The following PSD3 variants were observed in gnomAD, a reference collection of about 807,000 sequenced individuals.
PSD3 encodes the protein pleckstrin and Sec7 domain containing 3, also known as PH and SEC7 domain-containing protein 3.
A neutral mutation model predicts 105.5 loss-of-function variants in PSD3; 49 were observed. The ratio of observed to expected loss-of-function variants is 0.46; its 90% CI spans 0.37 to 0.59. The LOEUF (loss-of-function observed/expected upper bound fraction) is 0.59. PSD3 is among the 20% of genes least tolerant of loss of function. PSD3 has a pLI of 0.00. For missense variants in PSD3, 1,561 were observed against 1,263.8 expected, an observed-to-expected ratio of 1.24 and a Z score of -3.57; for synonymous variants, 557 against 457.8, an observed-to-expected ratio of 1.22 and a Z score of -2.77.
chr8:18,983,516 C>T (rs116178112), intron 1 of PSD3, among the ~76,000 whole-genome samples: 545 of 152,290 alleles, frequency 3.6e-3, no homozygotes, highest in African/African-American at 0.011. Flanking sequence ...TGCAACTGTT[C>T]CTTCCACGTG....
intron 14 of PSD3, among the ~76,000 whole-genome samples, chr8:18,566,390 G>C (rs1301868829): frequency 6.6e-6 from 1 of 151,966 alleles, no homozygotes; most frequent in African/African-American, 2.4e-5. Context: ...GCTGGGTATG[G>C]TGGCGGGCGC....
chr8:18,591,548 T>C (rs1803606983), intron 12 of PSD3, among the ~76,000 whole-genome samples: 1 of 152,114 alleles, frequency 6.6e-6, no homozygotes, highest in African/African-American at 2.4e-5. Context: ...AATTTCTTTC[T>C]CACCTCACTC....
intron 9 of PSD3, among the ~76,000 whole-genome samples, chr8:18,682,816 G>A (rs1455984424): frequency 6.6e-6 from 1 of 152,042 alleles, no homozygotes; most frequent in Non-Finnish European, 1.5e-5. Context: ...GGGGAGTGGT[G>A]GGAGGGTGAA....
In PSD3 at chr8:18,612,624, C is replaced by T. The variant is rs1292885857; in HGVS notation, c.2411-12190G>A. ...TGACCTCGTGATCCGCCTGCCTCGG[C>T]CTCCCAAAGTGCTGGGATTACAGGC... On this transcript the variant is annotated intron_variant, in intron 11 of 15. Transcript: ENST00000327040. 3.9e-5 allele frequency among the ~76,000 whole-genome samples: 6 copies of T among 152,282 alleles called. No homozygotes were observed. In the East Asian group the frequency reaches 7.7e-4, roughly 20 times the overall value.
At chr8:18,592,307 G>T (rs1415745956) in intron 12 of PSD3, among the ~76,000 whole-genome samples, 1 of 151,984 alleles carries the variant, frequency 6.6e-6, no homozygotes, top group East Asian at 1.9e-4. Flanking sequence ...ACTTGAAAAC[G>T]GGCCATTTGA....
At chr8:19,079,729 C>G (rs1829580600) in intron 1 of PSD3, among the ~76,000 whole-genome samples, 1 of 152,092 alleles carries the variant, frequency 6.6e-6, no homozygotes, top group African/African-American at 2.4e-5. Context: ...TATTACTGTT[C>G]AAAGAAAGCA....
At chr8:18,766,328 T>C (rs1167478141) in intron 8 of PSD3, among the ~76,000 whole-genome samples, 3 of 152,170 alleles carry the variant, frequency 2.0e-5, no homozygotes, top group African/African-American at 7.2e-5. Context: ...AGTGCAACTG[T>C]ATCTCAAAAA....
intron 4 of PSD3, among the ~76,000 whole-genome samples, chr8:18,828,224 C>T (rs986074069): frequency 4.6e-5 from 7 of 151,750 alleles, no homozygotes; most frequent in African/African-American, 1.5e-4. Flanking sequence ...ATATCATCCT[C>T]ATACTCCAGC....
chr8:18,736,160 T>C (rs937844574), intron 9 of PSD3, among the ~76,000 whole-genome samples: 2 of 152,212 alleles, frequency 1.3e-5, no homozygotes, highest in African/African-American at 4.8e-5. Context: ...ACGTAATTTC[T>C]ATAACCTCCA....
intron 8 of PSD3, among the ~76,000 whole-genome samples, chr8:18,787,672 C>T (rs543482451): frequency 2.6e-5 from 4 of 152,206 alleles, no homozygotes; most frequent in East Asian, 1.9e-4. Context: ...CTCTCTGCAG[C>T]GACAATATTA....
At chr8:19,081,404 G>A (rs1586704988) in intron 1 of PSD3, among the ~76,000 whole-genome samples, 1 of 152,224 alleles carries the variant, frequency 6.6e-6, no homozygotes, top group African/African-American at 2.4e-5. Context: ...CAGCTGGAAA[G>A]ACAGTGAAAG....
chr8:18,715,808 C>CA (rs1177143734), intron 9 of PSD3, among the ~76,000 whole-genome samples: 2 of 152,128 alleles, frequency 1.3e-5, no homozygotes, highest in East Asian at 3.8e-4. Context: ...AGGCAGCTAC[C>CA]AAAAAACTGT....
At chr8:18,551,163 G>C (rs1016864579) in intron 15 of PSD3, among the ~76,000 whole-genome samples, 3 of 152,158 alleles carry the variant, frequency 2.0e-5, no homozygotes, top group African/African-American at 4.8e-5. Flanking sequence ...AAGTGACCTA[G>C]ATAATGGCCC....
chr8:18,978,855 C>G (rs920036878), intron 1 of PSD3, among the ~76,000 whole-genome samples: 1 of 152,158 alleles, frequency 6.6e-6, no homozygotes, highest in Admixed American at 6.6e-5. Flanking sequence ...CCCTTCCTCT[C>G]TCCTACCCTC....
At chr8:19,008,820 C>A (rs1826821698) in intron 1 of PSD3, among the ~76,000 whole-genome samples, 1 of 152,168 alleles carries the variant, frequency 6.6e-6, no homozygotes, top group African/African-American at 2.4e-5. Context: ...GCCGCCTGGT[C>A]TTATGAATGC....
rs770466451 is a variant in PSD3 at position 18,872,154 on chromosome 8, C to T, written c.710G>A (p.Arg237Lys). 1.4e-5 allele frequency: 22 copies of T among 1,614,080 alleles called. No individual in the cohort carries two copies. In the Admixed American group the frequency reaches 3.3e-4, roughly 24 times the overall value. Reference protein sequence around the residue: ...AEISQIMNNGRKGAVCVQEPS... With the variant: ...AEISQIMNNGKKGAVCVQEPS... The stretch of plus-strand genomic sequence containing the variant: ...CTCCTGCACACAGACAGCCCCTTTC[C>T]TCCCATTATTCATTATCTGGGAAAT... The change falls in exon 3 of 16, where the codon AGG becomes AAG. Residue 237 changes from arginine to lysine, a missense_variant. Arg to Lys is a conservative substitution (Grantham distance 26). Coordinates refer to ENST00000327040, the MANE Select transcript of PSD3 (RefSeq NM_015310.4).
rs1247083135 is a variant in PSD3, at chr8:18,872,696, G to C, written c.168C>G (p.Val56=). The change falls in exon 3 of 16, where the codon GTC becomes GTG. Residue 56 remains valine, a synonymous_variant. Coordinates refer to ENST00000327040, the MANE Select transcript of PSD3 (RefSeq NM_015310.4). The part of the protein sequence containing the change: ...HGGSTLLPPN[V]TNEFPEYGTM... Reference sequence around the variant, plus strand: ...TCCCATATTCTGGAAATTCATTTGTGACATTTGGTGGGAGTAAAGTGCTTC... The same window carrying C: ...TCCCATATTCTGGAAATTCATTTGTCACATTTGGTGGGAGTAAAGTGCTTC... 1.3e-6 allele frequency: 2 copies of C among 1,583,808 alleles called. No homozygotes were observed. Among genetic ancestry groups the C allele is most frequent in the Non-Finnish European group, 1.7e-6 (2 of 1,167,622 alleles).
chr8:18,596,147 G>A (rs528382687), intron 12 of PSD3, among the ~76,000 whole-genome samples: 27 of 130,454 alleles, frequency 2.1e-4, no homozygotes, highest in South Asian at 1.5e-3. Flanking sequence ...ACATGATCCT[G>A]AACAATCAAT....
intron 1 of PSD3, among the ~76,000 whole-genome samples, chr8:19,022,251 G>A (rs1827386693): frequency 6.6e-6 from 1 of 152,142 alleles, no homozygotes; most frequent in Non-Finnish European, 1.5e-5. Context: ...CTGACATTGG[G>A]AATCACATTT....
Sources: gnomAD v4.1 joint callset for allele counts (sites outside exome capture counted in the v4.1 genomes callset) on GRCh38, gnomAD v4.1.1 for gene constraint, MANE v1.5 for transcripts, NCBI Gene and HGNC (gene_info 2026-07-23, HGNC 2026-07-21) for gene names.